JMJD6: variants seen among roughly 807,000 people sequenced by gnomAD.
JMJD6 encodes the protein jumonji domain containing 6, arginine demethylase and lysine hydroxylase.
A neutral mutation model predicts 45.8 loss-of-function variants in JMJD6; 17 were observed. That is an observed-to-expected ratio of 0.37 (90% CI 0.25 to 0.56). The LOEUF (loss-of-function observed/expected upper bound fraction) is 0.56. JMJD6 is among the 20% of genes least tolerant of loss of function. The pLI is 0.79. For missense variants in JMJD6, 470 were observed against 517.5 expected (o/e 0.91, Z 0.89); for synonymous variants, 221 against 196.3 (o/e 1.13, Z -1.05).
At chr17:76,716,567 G>A (rs1567996325), downstream of JMJD6, 5 of 907,780 alleles carry the variant, frequency 5.5e-6, no homozygotes, top group Non-Finnish European at 7.3e-6. Context: ...GACCAGGGAA[G>A]GAATATCCAA....
chr17:76,721,700 T>C (rs1260842706), intron 4 of JMJD6, 98 bp downstream of exon 4: 4 of 1,355,996 alleles, frequency 2.9e-6, no homozygotes, highest in Non-Finnish European at 4.1e-6. Context: ...CCCAGGCCTG[T>C]GTACGATCAG....
chr17:76,719,061 C>T (rs551121492), intron 5 of JMJD6, among the ~76,000 whole-genome samples: 15 of 152,302 alleles, frequency 9.8e-5, no homozygotes, highest in Non-Finnish European at 1.8e-4. Flanking sequence ...TTCAAACTTC[C>T]CTCAGAGGCC....
chr17:76,718,609 T>C lies in JMJD6; in HGVS notation c.*120A>G. The C allele has an allele frequency of 6.8e-7, 1 of 1,481,254 alleles. No individual in the cohort carries two copies. The highest frequency in any genetic ancestry group is 2.4e-5 in the East Asian group (1 of 41,166). 91.8% of individuals were successfully genotyped at this position (1,481,254 alleles called of 1,614,324 possible). ...AGTGAATGGGTTCCCGTGCCGAGGG[T>C]GTCCTCATTCTTGGGCTCTGTCAGG... On this transcript the variant is annotated 3_prime_UTR_variant, in exon 6 of 6. Transcript: ENST00000397625.
At chr17:76,717,342 C>G (rs1309838972), downstream of JMJD6, among the ~76,000 whole-genome samples, 1 of 152,186 alleles carries the variant, frequency 6.6e-6, no homozygotes, top group Non-Finnish European at 1.5e-5. Flanking sequence ...GCTACGATGC[C>G]TAGCTTCAAC....
Position 76,726,367 on chromosome 17 carries a change from G to C in JMJD6, c.109C>G (p.Leu37Val). 1 of 1,596,222 alleles carries C rather than the reference G, an allele frequency of 6.3e-7. No homozygotes were observed. The highest frequency in any genetic ancestry group is 8.5e-7 in the Non-Finnish European group (1 of 1,173,264). The change falls in exon 1 of 6, where the codon CTG becomes GTG. Residue 37 changes from leucine to valine, a missense_variant. By Grantham distance (32) the Leu-to-Val change is conservative. This residue lies in a region of JMJD6 where 346 missense variants were observed against 339.5 expected (regional missense o/e 1.02). Transcript: ENST00000397625. ...CTCACCGCCACGGCCGCCGGGCTCAGCGAGAAGCTCTCGTAGTAGTTGTGC... is the reference window on the plus strand; with the variant it reads ...CTCACCGCCACGGCCGCCGGGCTCACCGAGAAGCTCTCGTAGTAGTTGTGC... ...TRHNYYESFSLSPAAVADNVE... is the reference protein window; with the variant it reads ...TRHNYYESFSVSPAAVADNVE...
intron 3 of JMJD6, 42 bp from the exon 4 acceptor site, chr17:76,721,975 A>T: frequency 1.2e-6 from 2 of 1,607,986 alleles, no homozygotes; most frequent in Non-Finnish European, 1.7e-6. Flanking sequence ...GTTTGATCCT[A>T]TACCTAATTA....
In JMJD6 at chr17:76,726,359, C is replaced by G. The variant is rs773108605; in HGVS notation, c.117G>C (p.Pro39=). 1.3e-6 allele frequency: 2 copies of G among 1,590,530 alleles called. No individual in the cohort carries two copies. The highest frequency in any genetic ancestry group is 1.4e-5 in the African/African-American group (1 of 72,750). ...HNYYESFSLS[P]AAVADNVERA... ...CCGACCCGCTCACCGCCACGGCCGCCGGGCTCAGCGAGAAGCTCTCGTAGT... is the reference window on the plus strand; with the variant it reads ...CCGACCCGCTCACCGCCACGGCCGCGGGGCTCAGCGAGAAGCTCTCGTAGT... The change falls in exon 1 of 6, where the codon CCG becomes CCC. Residue 39 remains proline, a synonymous_variant. Coordinates refer to ENST00000397625, the MANE Select transcript of JMJD6 (RefSeq NM_015167.3).
intron 5 of JMJD6, among the ~76,000 whole-genome samples, chr17:76,720,121 G>A (rs144618902): frequency 1.2e-3 from 178 of 152,284 alleles, no homozygotes; most frequent in South Asian, 3.7e-3. Flanking sequence ...CTCCAGCCTG[G>A]GCAACAAGAG....
At chr17:76,719,191 G>A (rs2076794287) in intron 5 of JMJD6, among the ~76,000 whole-genome samples, 1 of 152,192 alleles carries the variant, frequency 6.6e-6, no homozygotes. Flanking sequence ...TACCAACAGA[G>A]CTTGATATAT....
chr17:76,723,955 G>C lies in JMJD6; in HGVS notation c.622C>G (p.Leu208Val), dbSNP rs753921076. The stretch of plus-strand genomic sequence containing the variant: ...TCCCTGGGAGTGCTGGTAGGAAACA[G>C]GCACCAGCGCTTGTGGCCCTGAACT... ...ALVQGHKRWC[L>V]FPTSTPRELI... The change falls in exon 3 of 6, where the codon CTG becomes GTG. Residue 208 changes from leucine (L) to valine (V), a missense_variant. Leu to Val is a conservative substitution (Grantham distance 32). Coordinates refer to ENST00000397625, the MANE Select transcript of JMJD6 (RefSeq NM_015167.3). 3.1e-6 allele frequency: 5 copies of C among 1,614,100 alleles called. No individual in the cohort carries two copies. Among genetic ancestry groups the C allele is most frequent in the Non-Finnish European group, 4.2e-6 (5 of 1,180,014 alleles).
At chr17:76,722,845 CAAAAAAA>C (rs71158058) in intron 3 of JMJD6, among the ~76,000 whole-genome samples, 7 of 43,264 alleles carry the variant, frequency 1.6e-4, no homozygotes, top group African/African-American at 7.7e-4. Context: ...GACTTGGTCT[CAAAAAAA>C]AAAAAAAAAA....
intron 2 of JMJD6, among the ~76,000 whole-genome samples, 165 bp from the exon 3 acceptor site, chr17:76,724,223 G>C (rs1164283222): frequency 4.6e-5 from 7 of 152,102 alleles, no homozygotes; most frequent in Admixed American, 2.6e-4. Context: ...CCAGGTTCAT[G>C]TGATTCTCCT....
rs775863937 is a variant in JMJD6, at chr17:76,724,035, C to T, written c.542G>A (p.Arg181His). 3.1e-6 allele frequency: 5 copies of T among 1,613,898 alleles called. No individual in the cohort carries two copies. The highest frequency in any genetic ancestry group is 4.2e-6 in the Non-Finnish European group (5 of 1,179,938). Residue 181 changes from arginine (R) to histidine (H), a missense_variant, in exon 3 of 6, where the codon CGC (arginine) becomes CAC (histidine). Physicochemically the swap from Arg to His is conservative, Grantham distance 29. Transcript: ENST00000397625. The part of the protein sequence containing the change: ...PYRWFVMGPP[R>H]SGTGIHIDPL... ...GTCGATGTGAATCCCAGTTCCGGAGCGTGGTGGCCCCATCACAAACCACCT... is the reference window on the plus strand; with the variant it reads ...GTCGATGTGAATCCCAGTTCCGGAGTGTGGTGGCCCCATCACAAACCACCT...
chr17:76,715,538 G>A (rs919157845), downstream of JMJD6: 1 of 152,262 alleles, frequency 6.6e-6, no homozygotes, highest in Admixed American at 6.5e-5. Context: ...CCTGTTTCTA[G>A]TGGATATTTT....
intron 2 of JMJD6, among the ~76,000 whole-genome samples, chr17:76,725,182 G>C (rs964998667): frequency 6.6e-6 from 1 of 152,158 alleles, no homozygotes; most frequent in Non-Finnish European, 1.5e-5. Context: ...GCCGAGGCGG[G>C]CAGATCACCT....
downstream of JMJD6, among the ~76,000 whole-genome samples, chr17:76,717,480 C>T (rs1567996699): frequency 6.6e-6 from 1 of 152,138 alleles, no homozygotes. Context: ...GTTACATGCC[C>T]AGGTGCTTGC....
Position 76,718,628 on chromosome 17 carries a change from T to C in JMJD6, c.*101A>G, listed in dbSNP as rs2076786149. On this transcript the variant is annotated 3_prime_UTR_variant, in exon 6 of 6. Coordinates refer to ENST00000397625, the MANE Select transcript of JMJD6 (RefSeq NM_015167.3). ...CGAGGGTGTCCTCATTCTTGGGCTC[T>C]GTCAGGCCTCCCCTTGTCTGCAGGA... 2.0e-6 allele frequency: 3 copies of C among 1,510,844 alleles called. No homozygotes were observed. Among genetic ancestry groups the C allele is most frequent in the African/African-American group, 2.8e-5 (2 of 71,548 alleles). 93.6% of individuals were successfully genotyped at this position (1,510,844 alleles called of 1,614,324 possible). A position where few individuals can be genotyped will look rare whatever the true frequency, so the allele number is the denominator to read the frequency against.
chr17:76,720,550 CAAAG>C (rs1204432817), intron 4 of JMJD6, 52 bp from the exon 5 acceptor site: 1 of 1,595,458 alleles, frequency 6.3e-7, no homozygotes, highest in East Asian at 2.2e-5. Context: ...TACCCACTCA[CAAAG>C]ACTCACTCAG....
intron 2 of JMJD6, among the ~76,000 whole-genome samples, chr17:76,724,359 T>C (rs539794080): frequency 1.3e-5 from 2 of 151,686 alleles, no homozygotes; most frequent in African/African-American, 4.8e-5. Flanking sequence ...TGGCCTCAAG[T>C]GATCACCTGC....
Sources: allele counts gnomAD v4.1 joint callset (sites outside exome capture counted in the v4.1 genomes callset), GRCh38; gene constraint gnomAD v4.1.1; regional missense constraint gnomAD v4.1.1; transcripts MANE v1.5; gene names NCBI Gene and HGNC (gene_info 2026-07-23, HGNC 2026-07-21).